EPDR1: variants seen among roughly 807,000 people sequenced by gnomAD.
EPDR1 encodes the protein ependymin related 1.
A neutral mutation model predicts 23.7 loss-of-function variants in EPDR1; 27 were observed. The ratio of observed to expected loss-of-function variants is 1.14; its 90% CI spans 0.84 to 1.57. The LOEUF (loss-of-function observed/expected upper bound fraction) is 1.57, where lower values mean the gene tolerates loss of function less well. EPDR1 is among the 40% of genes most tolerant of loss of function. The pLI is 0.00. For synonymous variants in EPDR1, 137 were observed against 118.2 expected (o/e 1.16, Z -1.03); for missense variants, 349 against 290.4 (o/e 1.20, Z -1.47).
In EPDR1 at chr7:37,950,061, G is replaced by A. The variant is rs1050625172; in HGVS notation, c.479-139G>A. On this transcript the variant is annotated intron_variant, in intron 2 of 2. Coordinates refer to ENST00000199448, the MANE Select transcript of EPDR1 (RefSeq NM_017549.5). ...GATGGTGCTGATGGTCAACAAATGT[G>A]AATGTACTCAAGGCCACCAAACACT... 3 of 587,214 alleles carry A rather than the reference G, an allele frequency of 5.1e-6. No individual in the cohort carries two copies. In the African/African-American group the frequency reaches 5.6e-5, roughly 11 times the overall value. 36.4% of individuals were successfully genotyped at this position (587,214 alleles called of 1,614,324 possible). A position where few individuals can be genotyped will look rare whatever the true frequency, so the allele number is the denominator to read the frequency against.
At chr7:37,928,344 T>TA (rs539485291) in intron 1 of EPDR1, among the ~76,000 whole-genome samples, 1 of 152,062 alleles carries the variant, frequency 6.6e-6, no homozygotes, top group Admixed American at 6.5e-5. Context: ...CCAATTCCAG[T>TA]AAAAAATTTC....
chr7:37,923,666 G>A (rs1026343231), intron 1 of EPDR1, among the ~76,000 whole-genome samples: 5 of 152,108 alleles, frequency 3.3e-5, no homozygotes, highest in South Asian at 2.1e-4. Flanking sequence ...CTCTCCAAAG[G>A]TAGTATTTTT....
intron 1 of EPDR1, among the ~76,000 whole-genome samples, chr7:37,937,297 A>C (rs1461171691): frequency 2.0e-5 from 3 of 152,248 alleles, no homozygotes; most frequent in Non-Finnish European, 4.4e-5. Flanking sequence ...GTTATGATAG[A>C]AAACATGATG....
rs1288703143 is a variant in EPDR1, at chr7:37,951,314, C to T, written c.*918C>T. ...TGCCCGCACTTTGGCCTTCCTAGAA[C>T]ACTGCTTCATAACCTCTCTGTCTGA... On this transcript the variant is annotated 3_prime_UTR_variant, in exon 3 of 3. Transcript: ENST00000199448. 3.9e-5 allele frequency: 6 copies of T among 152,226 alleles called. No homozygotes were observed. The highest frequency in any genetic ancestry group is 1.2e-4 in the African/African-American group (5 of 41,462). 9.4% of individuals were successfully genotyped at this position (152,226 alleles called of 1,614,324 possible). A position where few individuals can be genotyped will look rare whatever the true frequency, so the allele number is the denominator to read the frequency against.
At chr7:37,925,624 A>G (rs1479953504) in intron 1 of EPDR1, among the ~76,000 whole-genome samples, 1 of 152,202 alleles carries the variant, frequency 6.6e-6, no homozygotes, top group Non-Finnish European at 1.5e-5. Context: ...ATGTTAGACC[A>G]TGATGGAGTG....
chr7:37,950,337 C>T lies in EPDR1; in HGVS notation c.616C>T (p.Pro206Ser). The T allele has an allele frequency of 1.2e-6, 2 of 1,613,900 alleles. No homozygotes were observed. The highest frequency in any genetic ancestry group is 1.7e-6 in the Non-Finnish European group (2 of 1,179,918). Residue 206 changes from proline (P) to serine (S), a missense_variant, in exon 3 of 3, where the codon CCT becomes TCT. By Grantham distance (74) the Pro-to-Ser change is moderately conservative. Transcript: ENST00000199448. ...TATTAAAGACCCCTCGGTGTTTACC[C>T]CTCCAAGCACGTGCCAGATGGCCCA... ...LGIKDPSVFT[P>S]PSTCQMAQLE...
In EPDR1 at chr7:37,950,364, C is replaced by A. The variant is rs1786375595; in HGVS notation, c.643C>A (p.Leu215Met). The A allele has an allele frequency of 6.2e-7, 1 of 1,613,548 alleles. No individual in the cohort carries two copies. Among genetic ancestry groups the A allele is most frequent in the Admixed American group, 1.7e-5 (1 of 59,948 alleles). Residue 215 changes from leucine (L) to methionine (M), a missense_variant, in exon 3 of 3, where the codon CTG becomes ATG. Leu to Met is a conservative substitution (Grantham distance 15). Coordinates refer to ENST00000199448, the MANE Select transcript of EPDR1 (RefSeq NM_017549.5). ...TCCAAGCACGTGCCAGATGGCCCAA[C>A]TGGAGAAGATGAGCGAAGACTGCTC... ...TPPSTCQMAQ[L>M]EKMSEDCSW
chr7:37,925,698 G>A (rs912638510), intron 1 of EPDR1, among the ~76,000 whole-genome samples: 1 of 152,102 alleles, frequency 6.6e-6, no homozygotes, highest in Admixed American at 6.5e-5. Flanking sequence ...GAACCTCTGT[G>A]TTTTTCATCT....
chr7:37,948,335 G>A (rs1786323581), intron 1 of EPDR1, among the ~76,000 whole-genome samples: 1 of 144,684 alleles, frequency 6.9e-6, no homozygotes, highest in Admixed American at 6.9e-5. Context: ...ATACACTTTT[G>A]ACCTCAATTT....
Position 37,941,674 on chromosome 7 carries a change from A to G in EPDR1, c.270-7166A>G, listed in dbSNP as rs1053312852. Among the ~76,000 whole-genome samples, 14 of 152,360 alleles carry G rather than the reference A, an allele frequency of 9.2e-5. No individual in the cohort carries two copies. The East Asian group carries it at 2.5e-3, about 27-fold the overall frequency. ...TCAAAGAGTCAATGTCATGTTGGAA[A>G]ATAAAAAGGTAGGAGTACTGCTCCA... On this transcript the variant is annotated intron_variant, in intron 1 of 2. Coordinates refer to ENST00000199448, the MANE Select transcript of EPDR1 (RefSeq NM_017549.5).
chr7:37,949,703 G>A (rs1786357502), intron 2 of EPDR1, among the ~76,000 whole-genome samples: 1 of 152,168 alleles, frequency 6.6e-6, no homozygotes, highest in African/African-American at 2.4e-5. Context: ...TTGCCAAAAG[G>A]TGGAAACCCA....
chr7:37,948,776 C>T, intron 1 of EPDR1, 64 bp from the exon 2 acceptor site: 1 of 1,260,936 alleles, frequency 7.9e-7, no homozygotes, highest in Non-Finnish European at 1.2e-6. Context: ...GGTGTTTGTG[C>T]TGTTAAAAGG....
At chr7:37,924,549 C>A (rs991440467) in intron 1 of EPDR1, among the ~76,000 whole-genome samples, 1 of 152,172 alleles carries the variant, frequency 6.6e-6, no homozygotes, top group African/African-American at 2.4e-5. Flanking sequence ...GGAGTCACAG[C>A]CAACTCTTGC....
rs989327443 is a variant in EPDR1 at position 37,921,258 on chromosome 7, G to A, written c.269+50G>A. On this transcript the variant is annotated intron_variant, in intron 1 of 2. Coordinates refer to ENST00000199448, the MANE Select transcript of EPDR1 (RefSeq NM_017549.5). Reference sequence around the variant, plus strand: ...GGGAGTAGGGAGCCGCGCGGGCATGGGGAGGGCGAGGTCGCAGAGGCCTGC... The same window carrying A: ...GGGAGTAGGGAGCCGCGCGGGCATGAGGAGGGCGAGGTCGCAGAGGCCTGC... 6 of 1,532,350 alleles carry A rather than the reference G, an allele frequency of 3.9e-6. No individual in the cohort carries two copies. The African/African-American group carries it at 5.7e-5, about 15-fold the overall frequency. The allele number at this position is 1,532,350 out of a possible 1,614,324, so 94.9% of individuals were successfully genotyped here.
intron 1 of EPDR1, among the ~76,000 whole-genome samples, chr7:37,935,539 T>A (rs1264761373): frequency 1.3e-5 from 2 of 152,168 alleles, no homozygotes; most frequent in African/African-American, 4.8e-5. Flanking sequence ...TCTCTCCATA[T>A]GAGAAGTAGA....
rs149590425 is a variant in EPDR1, at chr7:37,927,720, A to G, written c.269+6512A>G. 4.1e-4 allele frequency among the ~76,000 whole-genome samples: 63 copies of G among 152,338 alleles called. No homozygotes were observed. The East Asian group carries it at 9.3e-3, about 22-fold the overall frequency. On this transcript the variant is annotated intron_variant, in intron 1 of 2. Coordinates refer to ENST00000199448, the MANE Select transcript of EPDR1 (RefSeq NM_017549.5). ...AAGTGCTCAATAAATCTATTTGATC[A>G]TGAATCTTGTCTTGCATGGATTGGA...
Position 37,920,753 on chromosome 7 carries a change from G to GGTAGCC in EPDR1, c.-186_-185insTAGCCG, listed in dbSNP as rs761252943. On this transcript the variant is annotated 5_prime_UTR_variant, in exon 1 of 3. Coordinates refer to ENST00000199448, the MANE Select transcript of EPDR1 (RefSeq NM_017549.5). Reference sequence around the variant, plus strand: ...GGAGCCTTCCCCGGGCCCTGGTCCCGGCTACCGGGACTCGCGCGTCCGGAT... The same window carrying GGTAGCC: ...GGAGCCTTCCCCGGGCCCTGGTCCCGGTAGCCGCTACCGGGACTCGCGCGTCCGGAT... 6.2e-7 allele frequency: 1 copy of GGTAGCC among 1,609,454 alleles called. No individual in the cohort carries two copies.
chr7:37,947,588 T>A (rs548115660), intron 1 of EPDR1, among the ~76,000 whole-genome samples: 31 of 152,328 alleles, frequency 2.0e-4, no homozygotes, highest in Non-Finnish European at 3.5e-4. Flanking sequence ...AAGCCACAGA[T>A]AATTTGTTGG....
chr7:37,940,194 G>A (rs1786141904), intron 1 of EPDR1, among the ~76,000 whole-genome samples: 1 of 152,132 alleles, frequency 6.6e-6, no homozygotes, highest in Admixed American at 6.5e-5. Context: ...TAAAGAAGAA[G>A]AGAAAATAAT....
Sources: allele counts gnomAD v4.1 joint callset (sites outside exome capture counted in the v4.1 genomes callset), GRCh38; gene constraint gnomAD v4.1.1; transcripts MANE v1.5; gene names NCBI Gene and HGNC (gene_info 2026-07-23, HGNC 2026-07-21).